The following SNAPC2 variants were observed in gnomAD, a reference collection of about 807,000 sequenced individuals.
SNAPC2 encodes the protein small nuclear RNA activating complex polypeptide 2.
Under a neutral mutation model 22.9 loss-of-function variants are expected in SNAPC2, and 27 were observed. The ratio of observed to expected loss-of-function variants is 1.18; its 90% CI spans 0.87 to 1.63. SNAPC2 has a LOEUF of 1.63. Ranked by LOEUF, SNAPC2 falls within the 40% of genes most tolerant of loss-of-function variation. The pLI is 0.00. For synonymous variants in SNAPC2, 272 were observed against 201.0 expected (o/e 1.35, Z -2.99); for missense variants, 570 against 449.1 (o/e 1.27, Z -2.43).
At chr19:7,921,864 C>A in intron 3 of SNAPC2, 91 bp downstream of exon 3, 5 of 1,460,290 alleles carry the variant, frequency 3.4e-6, no homozygotes, top group Non-Finnish European at 4.8e-6. Context: ...GGCCCTTTTG[C>A]CAGCTCTGTG....
chr19:7,922,619 AG>A lies in SNAPC2; in HGVS notation c.862del (p.Ala288HisfsTer17). On this transcript the variant is annotated frameshift_variant, in exon 5 of 5. Coordinates refer to ENST00000221573, the MANE Select transcript of SNAPC2 (RefSeq NM_003083.4). LOFTEE classifies it low-confidence loss of function (END_TRUNC). The stretch of plus-strand genomic sequence containing the variant: ...GCAGAAGGGGATGGGGCTGGCTCCA[AG>A]GCACCAGAGGAGACCCCCCCAGCCA... ...PAAEGDGAGS[K>X]APEETPPATE... 13 of 1,613,456 alleles carry A rather than the reference AG, an allele frequency of 8.1e-6. No individual in the cohort carries two copies. Among genetic ancestry groups the A allele is most frequent in the Non-Finnish European group, 1.1e-5 (13 of 1,179,898 alleles).
chr19:7,921,958 C>A, intron 3 of SNAPC2, 77 bp from the exon 4 acceptor site: 2 of 1,488,172 alleles, frequency 1.3e-6, no homozygotes, highest in Non-Finnish European at 1.8e-6. Context: ...CTTAGGGTGG[C>A]AGGGAGGATG....
Position 7,922,954 on chromosome 19 carries a change from G to C in SNAPC2, c.*190G>C, listed in dbSNP as rs1983643475. 7.3e-6 allele frequency: 4 copies of C among 546,360 alleles called. No individual in the cohort carries two copies. Among genetic ancestry groups the C allele is most frequent in the Non-Finnish European group, 9.6e-6 (3 of 312,566 alleles). 33.8% of individuals were successfully genotyped at this position (546,360 alleles called of 1,614,324 possible). The stretch of plus-strand genomic sequence containing the variant: ...GAAATGGAACCCCCGTTGTACAGGG[G>C]TTGGGTGGGGGTTGCAGGACTCCAC... On this transcript the variant is annotated 3_prime_UTR_variant, in exon 5 of 5. Coordinates refer to ENST00000221573, the MANE Select transcript of SNAPC2 (RefSeq NM_003083.4).
Position 7,922,803 on chromosome 19 carries a change from C to A in SNAPC2, c.*39C>A. On this transcript the variant is annotated 3_prime_UTR_variant, in exon 5 of 5. Transcript: ENST00000221573. ...CAGGAGGCCACACCAGGCCCCCCGCCCTGCCCCTCGGTTCTGCTCGGCTGG... is the reference window on the plus strand; with the variant it reads ...CAGGAGGCCACACCAGGCCCCCCGCACTGCCCCTCGGTTCTGCTCGGCTGG... The A allele has an allele frequency of 6.8e-7, 1 of 1,475,652 alleles. No homozygotes were observed. Among genetic ancestry groups the A allele is most frequent in the South Asian group, 1.3e-5 (1 of 77,688 alleles). The allele number at this position is 1,475,652 out of a possible 1,614,324, so 91.4% of individuals were successfully genotyped here.
chr19:7,922,915 C>T lies in SNAPC2; in HGVS notation c.*151C>T, dbSNP rs552180251. ...GGGCGGGCCTCTAAGATGCCCCATACTTTGGGGGTCTCAGAAATGGAACCC... is the reference window on the plus strand; with the variant it reads ...GGGCGGGCCTCTAAGATGCCCCATATTTTGGGGGTCTCAGAAATGGAACCC... On this transcript the variant is annotated 3_prime_UTR_variant, in exon 5 of 5. Coordinates refer to ENST00000221573, the MANE Select transcript of SNAPC2 (RefSeq NM_003083.4). 15 of 629,178 alleles carry T rather than the reference C, an allele frequency of 2.4e-5. No homozygotes were observed. In the Admixed American group the frequency reaches 3.2e-4, roughly 13 times the overall value. The allele number at this position is 629,178 out of a possible 1,614,324, so 39.0% of individuals were successfully genotyped here. A position where few individuals can be genotyped will look rare whatever the true frequency, so the allele number is the denominator to read the frequency against.
At position 7,920,524 on chromosome 19, in the gene SNAPC2, A is replaced by G; in HGVS notation, c.158A>G (p.Glu53Gly). Residue 53 changes from glutamate to glycine, a missense_variant, in exon 1 of 5, where the codon GAG becomes GGG. Coordinates refer to ENST00000221573, the MANE Select transcript of SNAPC2 (RefSeq NM_003083.4). ...PEPDATELAR[E>G]LRGRSEAEIR... ...CCGGACGCCACCGAGCTGGCCCGGG[A>G]GCTGCGGGGCCGGAGCGAGGCTGAG... is the stretch of plus-strand genomic sequence containing the variant. The G allele has an allele frequency of 6.9e-7, 1 of 1,444,704 alleles. No individual in the cohort carries two copies. The highest frequency in any genetic ancestry group is 1.4e-5 in the South Asian group (1 of 73,238). The allele number at this position is 1,444,704 out of a possible 1,614,324, so 89.5% of individuals were successfully genotyped here.
Position 7,921,459 on chromosome 19 carries a change from G to C in SNAPC2, c.220G>C (p.Ala74Pro), listed in dbSNP as rs571407415. The stretch of plus-strand genomic sequence containing the variant: ...CCTCCAGCAGCTCAAGGGCCGCGTA[G>C]CCCGGGAGGCCATTCAGAAAGTGCA... Reference protein sequence around the residue: ...VFLQQLKGRVAREAIQKVHPG... With the variant: ...VFLQQLKGRVPREAIQKVHPG... Residue 74 changes from alanine (A) to proline (P), a missense_variant, in exon 2 of 5, where the codon GCC becomes CCC. By Grantham distance (27) the Ala-to-Pro change is conservative. Transcript: ENST00000221573. 1.2e-6 allele frequency: 2 copies of C among 1,613,886 alleles called. No individual in the cohort carries two copies. Among genetic ancestry groups the C allele is most frequent in the East Asian group, 2.2e-5 (1 of 44,886 alleles).
At chr19:7,921,594 G>T (rs1259603049) in intron 2 of SNAPC2, 52 bp downstream of exon 2, 6 of 1,603,348 alleles carry the variant, frequency 3.7e-6, no homozygotes, top group Non-Finnish European at 5.1e-6. Flanking sequence ...CTGGTGGGTA[G>T]GTGGGAGTTG....
Position 7,922,682 on chromosome 19 carries a change from G to A in SNAPC2, c.923G>A (p.Trp308Ter). 6.2e-7 allele frequency: 1 copy of A among 1,613,320 alleles called. No homozygotes were observed. The highest frequency in any genetic ancestry group is 8.5e-7 in the Non-Finnish European group (1 of 1,179,862). Residue 308 changes from tryptophan (W) to a stop codon, truncating the protein, a stop_gained, in exon 5 of 5, where the codon TGG becomes TAG. Coordinates refer to ENST00000221573, the MANE Select transcript of SNAPC2 (RefSeq NM_003083.4). LOFTEE classifies it high-confidence loss of function. ...KAEHSELKSP[W>*]QAAGICPLNP... ...GAGCACAGCGAACTGAAATCGCCTT[G>A]GCAAGCAGCTGGGATCTGTCCCCTG...
intron 3 of SNAPC2, 84 bp from the exon 4 acceptor site, chr19:7,921,951 A>C: frequency 4.8e-6 from 7 of 1,468,182 alleles, no homozygotes; most frequent in Non-Finnish European, 6.5e-6. Context: ...GGAGCATCTT[A>C]GGGTGGCAGG....
At position 7,921,753 on chromosome 19, in the gene SNAPC2, C is replaced by T. The variant is rs475002; in HGVS notation, c.352C>T (p.Leu118=). 1 of 1,612,090 alleles carries T rather than the reference C, an allele frequency of 6.2e-7. No homozygotes were observed. The highest frequency in any genetic ancestry group is 1.7e-5 in the Admixed American group (1 of 59,798). The change falls in exon 3 of 5, where the codon CTG becomes TTG. Residue 118 remains leucine, a synonymous_variant. Coordinates refer to ENST00000221573, the MANE Select transcript of SNAPC2 (RefSeq NM_003083.4). ...GATAACAGGGCCACTGGAAGAAGCC[C>T]TGGCAGTGGCTTTCTCGCAGGTACC... is the stretch of plus-strand genomic sequence containing the variant. ...EKITGPLEEA[L]AVAFSQVLTI...
rs536117478 is a variant in SNAPC2 at position 7,922,038 on chromosome 19, C to A, written c.376C>A (p.Leu126Ile). The change falls in exon 4 of 5, where the codon CTC becomes ATC. Residue 126 changes from leucine to isoleucine, a missense_variant. By Grantham distance (5) the Leu-to-Ile change is conservative (BLOSUM62 2). Transcript: ENST00000221573. ...CCCTGATTGTTCTGCCTGCCAGGTG[C>A]TCACCATCGCGGCCACGGAACCGGT... ...EALAVAFSQV[L>I]TIAATEPVTL... 110 of 1,605,880 alleles carry A rather than the reference C, an allele frequency of 6.8e-5. 1 individual carries two copies. Among genetic ancestry groups the A allele is most frequent in the Middle Eastern group, 5.0e-4 (3 of 6,010 alleles).
rs1370721803 is a variant in SNAPC2 at position 7,921,404 on chromosome 19, C to A, written c.184-19C>A. 4 of 1,613,748 alleles carry A rather than the reference C, an allele frequency of 2.5e-6. No individual in the cohort carries two copies. In the Admixed American group the frequency reaches 6.7e-5, roughly 27 times the overall value. ...CTGAGCTCATAGAAGCCTCATTCCG[C>A]CGCCTCTTTCCTTTCTAGATCCGGG... On this transcript the variant is annotated intron_variant, in intron 1 of 4. Transcript: ENST00000221573.
rs991691977 is a variant in SNAPC2, at chr19:7,922,868, C to T, written c.*104C>T. The T allele has an allele frequency of 4.3e-6, 4 of 922,214 alleles. No homozygotes were observed. The highest frequency in any genetic ancestry group is 6.5e-6 in the Non-Finnish European group (4 of 612,364). 57.1% of individuals were successfully genotyped at this position (922,214 alleles called of 1,614,324 possible). On this transcript the variant is annotated 3_prime_UTR_variant, in exon 5 of 5. Coordinates refer to ENST00000221573, the MANE Select transcript of SNAPC2 (RefSeq NM_003083.4). ...GAGGATCCCGTCATGGGGGAAGGTCCTTGAGATGATGCTCAGCTGTGGGGC... is the reference window on the plus strand; with the variant it reads ...GAGGATCCCGTCATGGGGGAAGGTCTTTGAGATGATGCTCAGCTGTGGGGC...
chr19:7,922,156 CT>C lies in SNAPC2; in HGVS notation c.495del (p.Glu166LysfsTer91). On this transcript the variant is annotated frameshift_variant, in exon 4 of 5. Transcript: ENST00000221573. LOFTEE classifies it high-confidence loss of function. ...CCTGGAGGACAGGAAGACCCCGCCC[CT>C]GAAATACCTAGCTCTGCCCCTGCTG... The part of the protein sequence containing the change: ...SAPGGQEDPA[P>X]EIPSSAPAAP... The C allele has an allele frequency of 6.2e-7, 1 of 1,614,086 alleles. No individual in the cohort carries two copies. Among genetic ancestry groups the C allele is most frequent in the Non-Finnish European group, 8.5e-7 (1 of 1,180,012 alleles).
intron 4 of SNAPC2, 33 bp from the exon 5 acceptor site, chr19:7,922,412 G>C (rs1394559451): frequency 6.3e-7 from 1 of 1,583,324 alleles, no homozygotes; most frequent in Admixed American, 1.7e-5. Flanking sequence ...AGGCAGGGGT[G>C]TCCCCTTACC....
In SNAPC2 at chr19:7,922,735, C is replaced by T. The variant is rs1983630160; in HGVS notation, c.976C>T (p.Leu326=). Residue 326 remains leucine, a synonymous_variant, in exon 5 of 5, where the codon CTG becomes TTG. Coordinates refer to ENST00000221573, the MANE Select transcript of SNAPC2 (RefSeq NM_003083.4). ...LNPFLVPLEL[L]GRAATPAR ...CCCGTTCCTGGTGCCCCTGGAGCTT[C>T]TGGGTCGGGCAGCCACCCCTGCCAG... 6 of 1,595,296 alleles carry T rather than the reference C, an allele frequency of 3.8e-6. No individual in the cohort carries two copies. Among genetic ancestry groups the T allele is most frequent in the Non-Finnish European group, 4.3e-6 (5 of 1,166,558 alleles).
In SNAPC2 at chr19:7,923,091, T is replaced by G. The variant is rs1039528668; in HGVS notation, c.*327T>G. On this transcript the variant is annotated 3_prime_UTR_variant, in exon 5 of 5. Transcript: ENST00000221573. ...GGGCCATAGCTGGCACTGCCCACCG[T>G]AAAGGCCCTCGCACATTTTCCCCCT... The G allele has an allele frequency of 1.9e-5, 6 of 322,210 alleles. No individual in the cohort carries two copies. Among genetic ancestry groups the G allele is most frequent in the African/African-American group, 1.1e-4 (5 of 46,622 alleles). The allele number at this position is 322,210 out of a possible 1,614,324, so 20.0% of individuals were successfully genotyped here. A position where few individuals can be genotyped will look rare whatever the true frequency, so the allele number is the denominator to read the frequency against.
intron 1 of SNAPC2, 62 bp from the exon 2 acceptor site, chr19:7,921,361 G>T: frequency 6.2e-7 from 1 of 1,611,532 alleles, no homozygotes; most frequent in South Asian, 1.1e-5. Context: ...ATTGGGCTTT[G>T]GCTTCTCTGC....
Sources: allele counts gnomAD v4.1 joint callset, GRCh38; gene constraint gnomAD v4.1.1; transcripts MANE v1.5; gene names NCBI Gene and HGNC (gene_info 2026-07-23, HGNC 2026-07-21).